Variants in RGPD4 observed in about 807,000 individuals in gnomAD.
RGPD4 encodes the protein RANBP2 like and GRIP domain containing 4, also known as ranBP2-like and GRIP domain-containing protein 4.
RGPD4 carries 84 observed loss-of-function variants against 141.1 expected under a neutral mutation model. That is an observed-to-expected ratio of 0.60 (90% CI 0.50 to 0.71). The LOEUF (loss-of-function observed/expected upper bound fraction) is 0.71. Ranked by LOEUF, RGPD4 falls within the 30% of genes least tolerant of loss-of-function variation. The probability of loss-of-function intolerance (pLI) is 0.00; values close to 1 mark genes in which losing one functional copy is unlikely to be tolerated. For missense variants in RGPD4, 918 were observed against 1,622.4 expected (o/e 0.57, Z 7.46); for synonymous variants, 298 against 566.8 (o/e 0.53, Z 6.74).
intron 7 of RGPD4, among the ~76,000 whole-genome samples, chr2:107,849,429 C>G (rs1396449482): frequency 1.2e-4 from 16 of 130,954 alleles, no homozygotes; most frequent in Non-Finnish European, 2.2e-4. Context: ...TGCAGTGGCA[C>G]GATCTCGGCT....
chr2:107,854,150 G>T (rs1204460163), intron 7 of RGPD4, among the ~76,000 whole-genome samples: 2 of 133,702 alleles, frequency 1.5e-5, no homozygotes, highest in Admixed American at 1.5e-4. Flanking sequence ...TGCCTCCCAG[G>T]TTCAAGCTAT....
intron 22 of RGPD4, among the ~76,000 whole-genome samples, chr2:107,888,389 G>A (rs962644658): frequency 6.6e-6 from 1 of 151,446 alleles, no homozygotes; most frequent in African/African-American, 2.4e-5. Flanking sequence ...TTTCAGTTTA[G>A]GGAAATGTTT....
In RGPD4 at chr2:107,882,724, C is replaced by A. The variant is rs770266194; in HGVS notation, c.5117C>A (p.Ser1706Tyr). 6.2e-7 allele frequency: 1 copy of A among 1,611,554 alleles called. No individual in the cohort carries two copies. The highest frequency in any genetic ancestry group is 1.3e-5 in the African/African-American group (1 of 74,530). ...RLERNQEQEE[S>Y]AANVEHLKNV... is the part of the protein sequence containing the mutation. ...GAAAGGAATCAAGAGCAAGAGGAGTCTGCAGCTAACGTGGAACACTTGAAG... is the reference window on the plus strand; with the variant it reads ...GAAAGGAATCAAGAGCAAGAGGAGTATGCAGCTAACGTGGAACACTTGAAG... Residue 1706 changes from serine to tyrosine, a missense_variant, in exon 22 of 23, where the codon TCT (serine) becomes TAT (tyrosine). By Grantham distance (144) the Ser-to-Tyr change is moderately radical. Coordinates refer to ENST00000408999, the MANE Select transcript of RGPD4 (RefSeq NM_182588.3).
intron 22 of RGPD4, among the ~76,000 whole-genome samples, chr2:107,887,043 A>G (rs1675532154): frequency 6.7e-6 from 1 of 148,584 alleles, no homozygotes; most frequent in Admixed American, 6.8e-5. Context: ...AGGAGTTCAG[A>G]ATCAGCCTGG....
At chr2:107,869,350 T>C (rs1419751215) in intron 18 of RGPD4, among the ~76,000 whole-genome samples, 2 of 70,632 alleles carry the variant, frequency 2.8e-5, no homozygotes, top group African/African-American at 6.3e-5. Flanking sequence ...TTGATGTGCT[T>C]TTTATTTTAA....
At chr2:107,887,366 A>G (rs890772411) in intron 22 of RGPD4, among the ~76,000 whole-genome samples, 9 of 152,312 alleles carry the variant, frequency 5.9e-5, no homozygotes, top group Middle Eastern at 6.8e-3. Flanking sequence ...GACACTCTAC[A>G]TATATACATG....
rs572082994 is a variant in RGPD4, at chr2:107,871,355, A to G, written c.3351A>G (p.Thr1117=). 40 of 1,429,786 alleles carry G rather than the reference A, an allele frequency of 2.8e-5. No individual in the cohort carries two copies. The highest frequency in any genetic ancestry group is 2.5e-4 in the Middle Eastern group (1 of 4,008). The allele number at this position is 1,429,786 out of a possible 1,614,324, so 88.6% of individuals were successfully genotyped here. Residue 1117 remains threonine (T), a synonymous_variant, in exon 20 of 23, where the codon ACA becomes ACG. Transcript: ENST00000408999. ...KVCANHWITT[T]MNLKPLSGSD... is the part of the protein sequence containing the mutation. ...GTGCTAATCATTGGATAACGACTAC[A>G]ATGAACCTGAAGCCCCTGTCTGGAT...
intron 1 of RGPD4, among the ~76,000 whole-genome samples, chr2:107,833,827 G>T (rs1681578015): frequency 6.6e-6 from 1 of 152,082 alleles, no homozygotes; most frequent in Non-Finnish European, 1.5e-5. Flanking sequence ...TTACAAGGTC[G>T]AGAGAGCGAC....
At position 107,869,873 on chromosome 2, in the gene RGPD4, T is replaced by A; in HGVS notation, c.2606-10T>A. 1 of 1,339,060 alleles carries A rather than the reference T, an allele frequency of 7.5e-7. No homozygotes were observed. Among genetic ancestry groups the A allele is most frequent in the Non-Finnish European group, 1.0e-6 (1 of 978,654 alleles). 82.9% of individuals were successfully genotyped at this position (1,339,060 alleles called of 1,614,324 possible). ...ACAGTGTTTTCTTTCTTTTCTTTTTTTTTTTTTAGTTGCAACTACTGGCCC... is the reference window on the plus strand; with the variant it reads ...ACAGTGTTTTCTTTCTTTTCTTTTTATTTTTTTAGTTGCAACTACTGGCCC... On this transcript the variant is annotated splice_polypyrimidine_tract_variant and intron_variant, in intron 18 of 22. Transcript: ENST00000408999.
Position 107,874,135 on chromosome 2 carries a change from A to G in RGPD4, c.4924+1207A>G, listed in dbSNP as rs4081820. Reference sequence around the variant, plus strand: ...TGCTCTGCTATTTCAGGTCTGCTCAATGAAGACCTATGTTTTATCTAATGT... The same window carrying G: ...TGCTCTGCTATTTCAGGTCTGCTCAGTGAAGACCTATGTTTTATCTAATGT... On this transcript the variant is annotated intron_variant, in intron 20 of 22. Coordinates refer to ENST00000408999, the MANE Select transcript of RGPD4 (RefSeq NM_182588.3). 1.7e-4 allele frequency among the ~76,000 whole-genome samples: 26 copies of G among 150,742 alleles called. No individual in the cohort carries two copies. In the South Asian group the frequency reaches 1.9e-3, roughly 11 times the overall value.
At position 107,872,058 on chromosome 2, in the gene RGPD4, G is replaced by A; in HGVS notation, c.4054G>A (p.Glu1352Lys). Reference protein sequence around the residue: ...PDLVEVSSGEENEKVVFSHRA... With the variant: ...PDLVEVSSGEKNEKVVFSHRA... ...TCTAGTTGAAGTATCCAGTGGTGAG[G>A]AAAATGAAAAAGTTGTTTTTAGTCA... The change falls in exon 20 of 23, where the codon GAA becomes AAA. Residue 1352 changes from glutamate (E) to lysine (K), a missense_variant. Physicochemically the swap from Glu to Lys is moderately conservative, Grantham distance 56 (BLOSUM62 1). Transcript: ENST00000408999. The A allele has an allele frequency of 1.2e-6, 2 of 1,611,538 alleles. No homozygotes were observed. Among genetic ancestry groups the A allele is most frequent in the African/African-American group, 1.3e-5 (1 of 74,600 alleles).
At chr2:107,847,114 C>T (rs1186252688) in intron 6 of RGPD4, among the ~76,000 whole-genome samples, 21 of 146,590 alleles carry the variant, frequency 1.4e-4, no homozygotes, top group East Asian at 4.0e-4. Flanking sequence ...TGTTGGTACG[C>T]GCCTATAGTC....
chr2:107,880,080 C>T lies in RGPD4; in HGVS notation c.5037C>T (p.Thr1679=). 1.2e-6 allele frequency: 2 copies of T among 1,611,356 alleles called. No homozygotes were observed. Among genetic ancestry groups the T allele is most frequent in the South Asian group, 1.1e-5 (1 of 90,974 alleles). ...LNGLLREAEA[T]SAVLMEQIKL... ...GCCTGCTTCGGGAAGCAGAGGCAACCAGTGCAGTCCTTATGGAGCAAATTA... is the reference window on the plus strand; with the variant it reads ...GCCTGCTTCGGGAAGCAGAGGCAACTAGTGCAGTCCTTATGGAGCAAATTA... Residue 1679 remains threonine (T), a synonymous_variant, in exon 21 of 23, where the codon ACC becomes ACT. Transcript: ENST00000408999.
At chr2:107,847,253 CA>C (rs945092252) in intron 6 of RGPD4, among the ~76,000 whole-genome samples, 80 of 142,278 alleles carry the variant, frequency 5.6e-4, no homozygotes, top group Non-Finnish European at 8.7e-4. Flanking sequence ...AAAACAAAAA[CA>C]AAAAAACTCA....
At chr2:107,862,927 G>T (rs762807495) in intron 16 of RGPD4, 22 bp from the exon 17 acceptor site, 9 of 1,608,376 alleles carry the variant, frequency 5.6e-6, no homozygotes, top group Non-Finnish European at 6.8e-6. Context: ...ATGCTCTTTT[G>T]TGATTTTTAT....
chr2:107,872,716 G>A lies in RGPD4; in HGVS notation c.4712G>A (p.Gly1571Glu), dbSNP rs1341482544. ...AGTTCTGCCACTGGGTCTTTGTTTG[G>A]ATTTAGTTTTAATGCATCTTTGAAA... The part of the protein sequence containing the change: ...GNSSATGSLF[G>E]FSFNASLKSN... Residue 1571 changes from glycine to glutamate, a missense_variant, in exon 20 of 23, where the codon GGA becomes GAA. Coordinates refer to ENST00000408999, the MANE Select transcript of RGPD4 (RefSeq NM_182588.3). 4.3e-6 allele frequency: 7 copies of A among 1,611,392 alleles called. No homozygotes were observed. Among genetic ancestry groups the A allele is most frequent in the East Asian group, 2.2e-5 (1 of 44,886 alleles).
intron 22 of RGPD4, among the ~76,000 whole-genome samples, chr2:107,884,153 C>G (rs562135703): frequency 6.6e-6 from 1 of 152,026 alleles, no homozygotes; most frequent in East Asian, 1.9e-4. Context: ...CTCTGTCACC[C>G]TGGCTGGAGT....
At chr2:107,846,168 C>T (rs1432909944) in intron 6 of RGPD4, among the ~76,000 whole-genome samples, 16 of 147,386 alleles carry the variant, frequency 1.1e-4, no homozygotes, top group Admixed American at 5.4e-4. Context: ...CCTTGTGATC[C>T]GCCTGCCTCA....
At chr2:107,883,658 A>T (rs541615630) in intron 22 of RGPD4, among the ~76,000 whole-genome samples, 13 of 136,276 alleles carry the variant, frequency 9.5e-5, no homozygotes, top group Non-Finnish European at 1.7e-4. Context: ...AAAAACTATG[A>T]TGTAGTTAGA....
Sources: allele counts gnomAD v4.1 joint callset (sites outside exome capture counted in the v4.1 genomes callset), GRCh38; gene constraint gnomAD v4.1.1; transcripts MANE v1.5; gene names NCBI Gene and HGNC (gene_info 2026-07-23, HGNC 2026-07-21).